The following FAM135B variants were observed in gnomAD, a reference collection of about 807,000 sequenced individuals.
FAM135B encodes protein FAM135B.
Under a neutral mutation model 127.7 loss-of-function variants are expected in FAM135B, and 43 were observed. The ratio of observed to expected loss-of-function variants is 0.34; its 90% CI spans 0.26 to 0.43. FAM135B has a LOEUF of 0.43. Ranked by LOEUF, FAM135B falls within the 20% of genes least tolerant of loss-of-function variation. The probability of loss-of-function intolerance (pLI) is 1.00; values close to 1 mark genes in which losing one functional copy is unlikely to be tolerated. For missense variants in FAM135B, 1,558 were observed against 1,725.6 expected (o/e 0.90, Z 1.72); for synonymous variants, 670 against 665.1 (o/e 1.01, Z -0.11).
chr8:138,488,434 A>G (rs1405543541), intron 1 of FAM135B, among the ~76,000 whole-genome samples: 1 of 151,846 alleles, frequency 6.6e-6, no homozygotes, highest in Non-Finnish European at 1.5e-5. Context: ...TGAGGAAAAA[A>G]AAAAAAGCAA....
chr8:138,207,713 C>T (rs1404882779), intron 7 of FAM135B, among the ~76,000 whole-genome samples: 2 of 152,150 alleles, frequency 1.3e-5, no homozygotes, highest in Non-Finnish European at 2.9e-5. Flanking sequence ...CGGAGGGACA[C>T]CCATTAGCAT....
At chr8:138,252,287 T>C (rs1821755044) in intron 5 of FAM135B, among the ~76,000 whole-genome samples, 1 of 152,202 alleles carries the variant, frequency 6.6e-6, no homozygotes, top group East Asian at 1.9e-4. Flanking sequence ...ATTCTGTTTG[T>C]AGAAAAGGAA....
At chr8:138,163,183 C>G (rs893859352) in intron 12 of FAM135B, among the ~76,000 whole-genome samples, 2 of 152,112 alleles carry the variant, frequency 1.3e-5, no homozygotes, top group African/African-American at 4.8e-5. Flanking sequence ...TCACAGCAAT[C>G]CCCTGGAGGA....
At chr8:138,329,183 G>C (rs902952535) in intron 2 of FAM135B, among the ~76,000 whole-genome samples, 1 of 152,146 alleles carries the variant, frequency 6.6e-6, no homozygotes, top group African/African-American at 2.4e-5. Context: ...TGGATGGATG[G>C]GCAGATGGAA....
At chr8:138,288,394 C>A (rs916639210) in intron 3 of FAM135B, among the ~76,000 whole-genome samples, 3 of 151,984 alleles carry the variant, frequency 2.0e-5, no homozygotes, top group Non-Finnish European at 4.4e-5. Flanking sequence ...TGGGGATATC[C>A]GGGGTGCTGT....
chr8:138,226,261 G>C (rs1361639686), intron 7 of FAM135B, among the ~76,000 whole-genome samples: 1 of 151,262 alleles, frequency 6.6e-6, no homozygotes, highest in African/African-American at 2.4e-5. Context: ...ACTATGGTAG[G>C]TCATGGAGAC....
At chr8:138,184,456 A>G (rs1269025566) in intron 9 of FAM135B, among the ~76,000 whole-genome samples, 1 of 152,176 alleles carries the variant, frequency 6.6e-6, no homozygotes. Flanking sequence ...TGAGTCAGAC[A>G]AGGGCTCCCC....
chr8:138,417,566 A>T (rs988403796), intron 1 of FAM135B, among the ~76,000 whole-genome samples: 4 of 152,280 alleles, frequency 2.6e-5, no homozygotes, highest in Admixed American at 1.3e-4. Flanking sequence ...AGCATTGCCC[A>T]TGACAGTATT....
intron 7 of FAM135B, among the ~76,000 whole-genome samples, chr8:138,202,012 C>G (rs1019965273): frequency 1.3e-5 from 2 of 151,150 alleles, no homozygotes; most frequent in South Asian, 2.1e-4. Context: ...GTAATCCCAG[C>G]TACTCAGGAG....
At chr8:138,203,651 C>T (rs554234560) in intron 7 of FAM135B, among the ~76,000 whole-genome samples, 1 of 152,176 alleles carries the variant, frequency 6.6e-6, no homozygotes, top group Non-Finnish European at 1.5e-5. Flanking sequence ...AGCAGTAGTC[C>T]CCCTCCTTTT....
Position 138,287,464 on chromosome 8 carries a change from TTC to T in FAM135B, c.158-21624_158-21623del, listed in dbSNP as rs1554653460. Among the ~76,000 whole-genome samples the T allele has an allele frequency of 4.0e-3, 597 of 148,556 alleles. 10 individuals carry two copies. The highest frequency in any genetic ancestry group is 0.012 in the African/African-American group (488 of 40,572). ...GAAGTCTTTTTTTTTTTTTTTTTTT[TTC>T]AAATCTGCATACCCTATGACTACTT... On this transcript the variant is annotated intron_variant, in intron 3 of 19. Transcript: ENST00000395297.
intron 3 of FAM135B, among the ~76,000 whole-genome samples, chr8:138,310,230 C>T (rs1205283302): frequency 6.6e-6 from 1 of 152,124 alleles, no homozygotes; most frequent in African/African-American, 2.4e-5. Context: ...CTAATGCAAA[C>T]TCCTAATAGC....
intron 7 of FAM135B, among the ~76,000 whole-genome samples, chr8:138,202,245 GTTTT>G (rs5895501): frequency 1.1e-3 from 163 of 150,338 alleles, no homozygotes; most frequent in African/African-American, 2.6e-3. Context: ...CAAACAGTCT[GTTTT>G]TTTTTTTTTG....
chr8:138,492,081 A>T (rs1330891536), intron 1 of FAM135B, among the ~76,000 whole-genome samples: 2 of 152,208 alleles, frequency 1.3e-5, no homozygotes, highest in African/African-American at 4.8e-5. Flanking sequence ...ATCTGATTTT[A>T]GTTTTATAAA....
intron 1 of FAM135B, among the ~76,000 whole-genome samples, chr8:138,436,313 C>G (rs1280136372): frequency 6.6e-6 from 1 of 152,128 alleles, no homozygotes; most frequent in Non-Finnish European, 1.5e-5. Flanking sequence ...GTTACTTCTT[C>G]CATTTATCTG....
At chr8:138,249,713 C>T (rs912493138) in intron 6 of FAM135B, among the ~76,000 whole-genome samples, 5 of 152,100 alleles carry the variant, frequency 3.3e-5, no homozygotes, top group Non-Finnish European at 4.4e-5. Context: ...GAACAGCAAA[C>T]GTAGTGAAAA....
intron 7 of FAM135B, among the ~76,000 whole-genome samples, chr8:138,227,422 C>T (rs1819544783): frequency 6.6e-6 from 1 of 152,218 alleles, no homozygotes; most frequent in South Asian, 2.1e-4. Flanking sequence ...CCTGCTGGGA[C>T]CTGCCTTGGA....
intron 2 of FAM135B, among the ~76,000 whole-genome samples, chr8:138,316,707 G>T (rs1315023467): frequency 6.6e-6 from 1 of 152,056 alleles, no homozygotes; most frequent in Non-Finnish European, 1.5e-5. Context: ...ACGGCCGGGC[G>T]TGGTGGCTCA....
Position 138,180,603 on chromosome 8 carries a change from G to C in FAM135B, c.874-1913C>G, listed in dbSNP as rs566173969. Among the ~76,000 whole-genome samples, 204 of 152,296 alleles carry C rather than the reference G, an allele frequency of 1.3e-3. 2 individuals carry two copies. The highest frequency in any genetic ancestry group is 4.7e-3 in the African/African-American group (195 of 41,550). ...AGACTGAAGACTAGTGCTAGATAGA[G>C]ACCAATTGGGTAAAGTGAGACATCC... On this transcript the variant is annotated intron_variant, in intron 9 of 19. Transcript: ENST00000395297.
Sources: gnomAD v4.1 joint callset for allele counts (sites outside exome capture counted in the v4.1 genomes callset) on GRCh38, gnomAD v4.1.1 for gene constraint, MANE v1.5 for transcripts, NCBI Gene and HGNC (gene_info 2026-07-23, HGNC 2026-07-21) for gene names.